The following KCNJ1 variants were observed in gnomAD, a reference collection of about 807,000 sequenced individuals.
KCNJ1 encodes potassium inwardly rectifying channel subfamily J member 1.
KCNJ1 carries 24 observed loss-of-function variants against 21.9 expected under a neutral mutation model. That is an observed-to-expected ratio of 1.10 (90% CI 0.79 to 1.54). The LOEUF (loss-of-function observed/expected upper bound fraction) is 1.54. Ranked by LOEUF, KCNJ1 falls within the 40% of genes most tolerant of loss-of-function variation. The pLI is 0.00. For synonymous variants in KCNJ1, 152 were observed against 160.9 expected (o/e 0.94, Z 0.42); for missense variants, 457 against 455.4 (o/e 1.00, Z -0.03).
At chr11:128,845,696 G>C (rs1056067355) in intron 2 of KCNJ1, among the ~76,000 whole-genome samples, 1 of 152,192 alleles carries the variant, frequency 6.6e-6, no homozygotes, top group Admixed American at 6.5e-5. Context: ...GATAGAACTT[G>C]GCAAGGCTGG....
intron 1 of KCNJ1, among the ~76,000 whole-genome samples, chr11:128,857,279 G>A (rs577340260): frequency 1.3e-5 from 2 of 152,344 alleles, no homozygotes; most frequent in African/African-American, 4.8e-5. Context: ...CACTGCTCCA[G>A]TGGGAACTCC....
intron 1 of KCNJ1, among the ~76,000 whole-genome samples, chr11:128,851,407 A>G (rs1008731151): frequency 6.6e-6 from 1 of 152,368 alleles, no homozygotes; most frequent in South Asian, 2.1e-4. Context: ...TTGCAAATCA[A>G]ATAATCATTC....
rs551972727 is a variant in KCNJ1, at chr11:128,857,291, T to C, written c.-191-6401A>G. Among the ~76,000 whole-genome samples, 10 of 152,336 alleles carry C rather than the reference T, an allele frequency of 6.6e-5. No individual in the cohort carries two copies. In the South Asian group the frequency reaches 1.9e-3, roughly 28 times the overall value. ...ACCCACTGCTCCAGTGGGAACTCCA[T>C]CCTGTCTTGGCTTCTTTCCATCTCT... On this transcript the variant is annotated intron_variant, in intron 1 of 2. Coordinates refer to ENST00000392666, the MANE Select transcript of KCNJ1 (RefSeq NM_153766.3).
intron 1 of KCNJ1, among the ~76,000 whole-genome samples, chr11:128,851,595 G>A (rs919299684): frequency 6.6e-6 from 1 of 152,196 alleles, no homozygotes; most frequent in Non-Finnish European, 1.5e-5. Flanking sequence ...TGTGTGCAGA[G>A]ATCTGTTATT....
intron 1 of KCNJ1, among the ~76,000 whole-genome samples, chr11:128,854,435 G>C (rs1943544766): frequency 6.6e-6 from 1 of 152,030 alleles, no homozygotes; most frequent in South Asian, 2.1e-4. Context: ...AGGCCCACGG[G>C]CCCATTCAAA....
At position 128,839,723 on chromosome 11, in the gene KCNJ1, G is replaced by A. The variant is rs117535913; in HGVS notation, c.521C>T (p.Thr174Met). 4.6e-4 allele frequency: 738 copies of A among 1,613,562 alleles called. 8 individuals carry two copies. The East Asian group carries it at 8.4e-3, about 18-fold the overall frequency. ...SRPKKRAKTITFSKNAVISKR... is the reference protein window; with the variant it reads ...SRPKKRAKTIMFSKNAVISKR... ...GCTGATCACTGCGTTCTTGCTGAACGTAATGGTCTTGGCACGTTTTTTGGG... is the reference window on the plus strand; with the variant it reads ...GCTGATCACTGCGTTCTTGCTGAACATAATGGTCTTGGCACGTTTTTTGGG... The change falls in exon 3 of 3, where the codon ACG (threonine) becomes ATG (methionine). Residue 174 changes from threonine (T) to methionine (M), a missense_variant. Coordinates refer to ENST00000392666, the MANE Select transcript of KCNJ1 (RefSeq NM_153766.3).
rs764778741 is a variant in KCNJ1, at chr11:128,839,993, G to A, written c.251C>T (p.Ala84Val). 16 of 1,613,928 alleles carry A rather than the reference G, an allele frequency of 9.9e-6. No homozygotes were observed. Among genetic ancestry groups the A allele is most frequent in the Admixed American group, 1.7e-5 (1 of 59,984 alleles). Residue 84 changes from alanine (A) to valine (V), a missense_variant, in exon 3 of 3, where the codon GCG becomes GTG. Coordinates refer to ENST00000392666, the MANE Select transcript of KCNJ1 (RefSeq NM_153766.3). Reference sequence around the variant, plus strand: ...TTCCGGGAGGTCTTTGTGAATGTACGCTACTGCATACCACAGGAGACCAAA... The same window carrying A: ...TTCCGGGAGGTCTTTGTGAATGTACACTACTGCATACCACAGGAGACCAAA... ...FFFGLLWYAV[A>V]YIHKDLPEFH...
At chr11:128,848,427 A>G (rs1188336650) in intron 2 of KCNJ1, among the ~76,000 whole-genome samples, 1 of 151,964 alleles carries the variant, frequency 6.6e-6, no homozygotes, top group East Asian at 1.9e-4. Context: ...CCTGGCCTCA[A>G]GCAATCCTCC....
Position 128,839,906 on chromosome 11 carries a change from A to G in KCNJ1, c.338T>C (p.Phe113Ser), listed in dbSNP as rs1361521132. The change falls in exon 3 of 3, where the codon TTT becomes TCT. Residue 113 changes from phenylalanine to serine, a missense_variant. By Grantham distance (155) the Phe-to-Ser change is radical. Transcript: ENST00000392666. ...VENINGLTSA[F>S]LFSLETQVTI... is the part of the protein sequence containing the mutation. ...CACTTGAGTCTCCAGAGAAAACAGA[A>G]AAGCTGAGGTCAAGCCATTAATATT... 1 of 1,614,176 alleles carries G rather than the reference A, an allele frequency of 6.2e-7. No homozygotes were observed. The highest frequency in any genetic ancestry group is 1.7e-5 in the Admixed American group (1 of 60,020).
intron 2 of KCNJ1, 106 bp from the exon 3 acceptor site, chr11:128,840,370 C>T: frequency 4.6e-6 from 5 of 1,086,432 alleles, no homozygotes; most frequent in Non-Finnish European, 6.9e-6. Flanking sequence ...TCAAAATTAT[C>T]TGGGTTACTA....
Position 128,867,291 on chromosome 11 carries a change from C to G in KCNJ1, c.-310G>C, listed in dbSNP as rs939556403. On this transcript the variant is annotated 5_prime_UTR_variant, in exon 1 of 3. Coordinates refer to ENST00000392666, the MANE Select transcript of KCNJ1 (RefSeq NM_153766.3). ...CCTTTGATGCAAGAGTTTGGATATGCTAGGTGAGGGTACCCGAGGCCCTGT... is the reference window on the plus strand; with the variant it reads ...CCTTTGATGCAAGAGTTTGGATATGGTAGGTGAGGGTACCCGAGGCCCTGT... 9 of 152,100 alleles carry G rather than the reference C, an allele frequency of 5.9e-5. No homozygotes were observed. Among genetic ancestry groups the G allele is most frequent in the African/African-American group, 9.7e-5 (4 of 41,416 alleles). The allele number at this position is 152,100 out of a possible 1,614,324, so 9.4% of individuals were successfully genotyped here.
chr11:128,840,362 A>T, intron 2 of KCNJ1, 98 bp from the exon 3 acceptor site: 1 of 1,149,076 alleles, frequency 8.7e-7, no homozygotes, highest in Non-Finnish European at 1.3e-6. Context: ...AAGATCATTC[A>T]AAATTATCTG....
intron 2 of KCNJ1, among the ~76,000 whole-genome samples, chr11:128,846,488 G>A (rs1281993326): frequency 6.6e-6 from 1 of 152,176 alleles, no homozygotes. Context: ...GCCAATGGAG[G>A]AAAAGGCTTC....
chr11:128,852,689 C>G (rs1943497359), intron 1 of KCNJ1, among the ~76,000 whole-genome samples: 1 of 152,236 alleles, frequency 6.6e-6, no homozygotes, highest in Non-Finnish European at 1.5e-5. Context: ...TAGCATGCCC[C>G]CATCCTCATT....
chr11:128,865,384 C>T (rs1943799555), intron 1 of KCNJ1, among the ~76,000 whole-genome samples: 1 of 152,118 alleles, frequency 6.6e-6, no homozygotes, highest in African/African-American at 2.4e-5. Flanking sequence ...CAAAGCATTT[C>T]CCAAGCCATT....
chr11:128,848,969 C>T (rs1008533195), intron 2 of KCNJ1, among the ~76,000 whole-genome samples: 1 of 152,154 alleles, frequency 6.6e-6, no homozygotes, highest in South Asian at 2.1e-4. Context: ...GTCTGCTGCC[C>T]GTTGCTGGAG....
At chr11:128,863,486 G>C (rs1213706369) in intron 1 of KCNJ1, among the ~76,000 whole-genome samples, 3 of 152,136 alleles carry the variant, frequency 2.0e-5, no homozygotes, top group Non-Finnish European at 4.4e-5. Flanking sequence ...TTGCATACTG[G>C]GGAACCAATT....
At chr11:128,840,292 A>G (rs1380339029) in intron 2 of KCNJ1, 28 bp from the exon 3 acceptor site, 2 of 1,609,204 alleles carry the variant, frequency 1.2e-6, no homozygotes, top group Non-Finnish European at 1.7e-6. Flanking sequence ...AAAAACAAAA[A>G]AGGATTATGT....
intron 2 of KCNJ1, among the ~76,000 whole-genome samples, chr11:128,843,082 G>A (rs1320754016): frequency 6.6e-6 from 1 of 152,176 alleles, no homozygotes; most frequent in East Asian, 1.9e-4. Context: ...CATGCACTGG[G>A]TTAGCCAATG....
Sources: allele counts gnomAD v4.1 joint callset (sites outside exome capture counted in the v4.1 genomes callset), GRCh38; gene constraint gnomAD v4.1.1; transcripts MANE v1.5; gene names NCBI Gene and HGNC (gene_info 2026-07-23, HGNC 2026-07-21).